The following FILIP1L variants were observed in gnomAD, a reference collection of about 807,000 sequenced individuals.
FILIP1L encodes the protein filamin A-interacting protein 1-like.
A neutral mutation model predicts 96.6 loss-of-function variants in FILIP1L; 55 were observed. The observed-to-expected ratio is 0.57, with a 90% CI of 0.46 to 0.71. The LOEUF is 0.71. Among genes scored for constraint, FILIP1L ranks in the 30% least tolerant of loss-of-function variants. The pLI, the probability that FILIP1L is intolerant of heterozygous loss-of-function variation, is 0.00. For synonymous variants in FILIP1L, 467 were observed against 473.9 expected, an observed-to-expected ratio of 0.99 and a Z score of 0.19; for missense variants, 1,304 against 1,321.2, an observed-to-expected ratio of 0.99 and a Z score of 0.20.
intron 1 of FILIP1L, among the ~76,000 whole-genome samples, chr3:99,957,236 G>A (rs981449242): frequency 1.3e-5 from 2 of 152,336 alleles, no homozygotes; most frequent in Admixed American, 1.3e-4. Flanking sequence ...ATAAAGCATG[G>A]AAAGTAGTAA....
intron 1 of FILIP1L, among the ~76,000 whole-genome samples, chr3:99,949,239 G>A (rs992358372): frequency 3.3e-5 from 5 of 152,110 alleles, no homozygotes; most frequent in Non-Finnish European, 7.4e-5. Context: ...GCTGAGGCTA[G>A]GCCTACAAAA....
chr3:99,892,755 C>G (rs1236926179), intron 4 of FILIP1L, among the ~76,000 whole-genome samples: 1 of 152,176 alleles, frequency 6.6e-6, no homozygotes, highest in East Asian at 1.9e-4. Flanking sequence ...TGCCCTTATG[C>G]CTTATTGTCT....
chr3:99,991,028 T>C (rs1709494661), intron 1 of FILIP1L, among the ~76,000 whole-genome samples: 1 of 152,154 alleles, frequency 6.6e-6, no homozygotes, highest in African/African-American at 2.4e-5. Context: ...ATGACAAAGA[T>C]GCCCATAATC....
chr3:99,880,593 G>A (rs1705692664), intron 4 of FILIP1L, among the ~76,000 whole-genome samples: 1 of 152,082 alleles, frequency 6.6e-6, no homozygotes, highest in Non-Finnish European at 1.5e-5. Context: ...TGTGATGCTA[G>A]GGAATGGGAA....
intron 1 of FILIP1L, among the ~76,000 whole-genome samples, chr3:100,052,482 G>C (rs2065391066): frequency 6.6e-6 from 1 of 152,100 alleles, no homozygotes; most frequent in African/African-American, 2.4e-5. Context: ...TGGGTCTTAT[G>C]GCACCATTTG....
At chr3:99,839,003 C>G (rs1441183489) in intron 5 of FILIP1L, among the ~76,000 whole-genome samples, 1 of 152,132 alleles carries the variant, frequency 6.6e-6, no homozygotes, top group Non-Finnish European at 1.5e-5. Context: ...TTGCACTGCT[C>G]ACTGTTCCTT....
At chr3:99,908,389 A>G (rs1396287484) in intron 4 of FILIP1L, among the ~76,000 whole-genome samples, 1 of 152,252 alleles carries the variant, frequency 6.6e-6, no homozygotes, top group Non-Finnish European at 1.5e-5. Context: ...CATTTGAACC[A>G]TATTTGAAAT....
intron 1 of FILIP1L, among the ~76,000 whole-genome samples, chr3:100,024,576 T>C (rs2064884072): frequency 6.6e-6 from 1 of 152,150 alleles, no homozygotes; most frequent in Non-Finnish European, 1.5e-5. Context: ...TTACATCATA[T>C]TAAATTATGT....
intron 3 of FILIP1L, among the ~76,000 whole-genome samples, chr3:99,927,557 C>T (rs567497513): frequency 2.2e-4 from 34 of 151,928 alleles, no homozygotes; most frequent in Admixed American, 1.1e-3. Flanking sequence ...TTAGTAGAAA[C>T]GGGCTTTCTT....
intron 1 of FILIP1L, among the ~76,000 whole-genome samples, chr3:100,082,918 T>A (rs2065953990): frequency 1.3e-5 from 2 of 152,254 alleles, no homozygotes; most frequent in African/African-American, 4.8e-5. Flanking sequence ...ATCTGTAGAA[T>A]TAGCTTGCCT....
chr3:99,830,676 A>C (rs1402688252), intron 5 of FILIP1L, 71 bp from the exon 6 acceptor site: 1 of 436,588 alleles, frequency 2.3e-6, no homozygotes, highest in Admixed American at 2.4e-5. Flanking sequence ...TGTTTAGGAC[A>C]TGGAGTCAGT....
chr3:99,896,510 T>G (rs1706257968), intron 4 of FILIP1L, among the ~76,000 whole-genome samples: 2 of 152,118 alleles, frequency 1.3e-5, no homozygotes, highest in South Asian at 4.2e-4. Flanking sequence ...ACAGAGTCCT[T>G]TGAGAGAAAG....
chr3:100,094,139 T>C (rs1260286554), intron 1 of FILIP1L, among the ~76,000 whole-genome samples: 1 of 152,214 alleles, frequency 6.6e-6, no homozygotes, highest in Non-Finnish European at 1.5e-5. Flanking sequence ...AGATGTGTAG[T>C]GATATTTCAT....
At chr3:100,106,145 A>G (rs1023999713) in intron 1 of FILIP1L, among the ~76,000 whole-genome samples, 3 of 152,196 alleles carry the variant, frequency 2.0e-5, no homozygotes, top group Non-Finnish European at 4.4e-5. Context: ...GAACAATCAG[A>G]TACAGATACC....
At chr3:99,962,643 A>G (rs1708528552) in intron 1 of FILIP1L, among the ~76,000 whole-genome samples, 1 of 152,216 alleles carries the variant, frequency 6.6e-6, no homozygotes, top group African/African-American at 2.4e-5. Flanking sequence ...AACAACAGCA[A>G]CAAACACATA....
chr3:99,851,099 GTGAT>G lies in FILIP1L; in HGVS notation c.606-33_606-30del, dbSNP rs1345864150. 7.9e-6 allele frequency: 12 copies of G among 1,523,624 alleles called. No homozygotes were observed. The Admixed American group carries it at 8.5e-5, about 11-fold the overall frequency. The allele number at this position is 1,523,624 out of a possible 1,614,324, so 94.4% of individuals were successfully genotyped here. A position where few individuals can be genotyped will look rare whatever the true frequency, so the allele number is the denominator to read the frequency against. On this transcript the variant is annotated intron_variant, in intron 4 of 5. Coordinates refer to ENST00000477258, the MANE Select transcript of FILIP1L (RefSeq NM_001387850.1). ...AAAAATGTAAAGTGCATTTTATTTT[GTGAT>G]TGATGCTTTAGTAACTCATCGAATG...
intron 1 of FILIP1L, among the ~76,000 whole-genome samples, chr3:99,950,743 T>G (rs1427071314): frequency 6.6e-6 from 1 of 152,220 alleles, no homozygotes; most frequent in Non-Finnish European, 1.5e-5. Context: ...GTTAAATTCT[T>G]TGTTATGTTT....
chr3:99,839,720 G>GT (rs1943047124), intron 5 of FILIP1L, among the ~76,000 whole-genome samples: 1 of 152,138 alleles, frequency 6.6e-6, no homozygotes, highest in Admixed American at 6.5e-5. Context: ...TACAAATATA[G>GT]ATGTTCAAGT....
intron 1 of FILIP1L, among the ~76,000 whole-genome samples, chr3:100,003,741 G>A (rs1216366655): frequency 6.6e-6 from 1 of 152,038 alleles, no homozygotes; most frequent in African/African-American, 2.4e-5. Flanking sequence ...TGCCTCTGTT[G>A]TTTGTTTACC....
Sources: allele counts gnomAD v4.1 joint callset (sites outside exome capture counted in the v4.1 genomes callset), GRCh38; gene constraint gnomAD v4.1.1; transcripts MANE v1.5; gene names NCBI Gene and HGNC (gene_info 2026-07-23, HGNC 2026-07-21).